The following MED13L variants were observed in gnomAD, a reference collection of about 807,000 sequenced individuals.
The protein encoded by MED13L is mediator of RNA polymerase II transcription subunit 13-like.
A neutral mutation model predicts 220.9 loss-of-function variants in MED13L; 7 were observed. That is an observed-to-expected ratio of 0.03 (90% CI 0.02 to 0.06). The LOEUF (loss-of-function observed/expected upper bound fraction) is 0.06. Among genes scored for constraint, MED13L ranks in the 10% least tolerant of loss-of-function variants. The probability of loss-of-function intolerance (pLI) is 1.00; values close to 1 mark genes in which losing one functional copy is unlikely to be tolerated. For missense variants in MED13L, 1,965 were observed against 2,760.5 expected, an observed-to-expected ratio of 0.71 and a Z score of 6.46; for synonymous variants, 1,011 against 1,015.2, an observed-to-expected ratio of 1.00 and a Z score of 0.08.
In MED13L at chr12:116,036,863, T is replaced by C. The variant is rs934569819; in HGVS notation, c.480-14262A>G. Reference sequence around the variant, plus strand: ...TCTTTTATCGGACAGGCCTTAACTTTTACCTCCTTTTCAAAAGACAGTGGC... The same window carrying C: ...TCTTTTATCGGACAGGCCTTAACTTCTACCTCCTTTTCAAAAGACAGTGGC... On this transcript the variant is annotated intron_variant, in intron 4 of 30. Transcript: ENST00000281928. Among the ~76,000 whole-genome samples the C allele has an allele frequency of 5.3e-5, 8 of 152,164 alleles. No homozygotes were observed. The East Asian group carries it at 5.8e-4, about 11-fold the overall frequency.
intron 2 of MED13L, among the ~76,000 whole-genome samples, chr12:116,177,906 T>G: frequency 6.6e-6 from 1 of 152,066 alleles, no homozygotes. Context: ...CAGGTTGGAG[T>G]GTACAGTGGC....
chr12:116,187,574 T>C (rs898441234), intron 2 of MED13L, among the ~76,000 whole-genome samples: 1 of 152,190 alleles, frequency 6.6e-6, no homozygotes, highest in African/African-American at 2.4e-5. Flanking sequence ...AAAGTTCAAT[T>C]TATCAGGTTT....
intron 9 of MED13L, among the ~76,000 whole-genome samples, chr12:116,009,830 A>C (rs922381235): frequency 3.9e-5 from 6 of 152,132 alleles, no homozygotes; most frequent in Non-Finnish European, 8.8e-5. Context: ...ATCTTAACAC[A>C]CTTCTTGGCA....
At chr12:116,069,987 A>G (rs990902542) in intron 4 of MED13L, among the ~76,000 whole-genome samples, 2 of 152,210 alleles carry the variant, frequency 1.3e-5, no homozygotes, top group African/African-American at 4.8e-5. Context: ...GATAAAGAGT[A>G]CTCAACTTGT....
intron 4 of MED13L, among the ~76,000 whole-genome samples, chr12:116,047,178 T>C (rs1246177360): frequency 6.6e-6 from 1 of 151,856 alleles, no homozygotes; most frequent in African/African-American, 2.4e-5. Context: ...AGCAAGACCC[T>C]ATCTCTACAA....
intron 2 of MED13L, among the ~76,000 whole-genome samples, chr12:116,149,608 A>G (rs761120278): frequency 1.3e-5 from 2 of 152,272 alleles, no homozygotes; most frequent in Non-Finnish European, 2.9e-5. Context: ...AGAGTTTTAC[A>G]TTTCACCTAA....
rs561826845 is a variant in MED13L, at chr12:116,059,863, A to C, written c.479+36806T>G. Among the ~76,000 whole-genome samples the C allele has an allele frequency of 3.9e-5, 6 of 152,330 alleles. No individual in the cohort carries two copies. In the East Asian group the frequency reaches 1.2e-3, roughly 29 times the overall value. On this transcript the variant is annotated intron_variant, in intron 4 of 30. Coordinates refer to ENST00000281928, the MANE Select transcript of MED13L (RefSeq NM_015335.5). ...GGATTAAGAGTAAAAAACATAAAGG[A>C]GGCACGGAGAAAAAGGCTTTAAATT...
intron 4 of MED13L, among the ~76,000 whole-genome samples, chr12:116,045,235 C>T (rs1367241236): frequency 1.3e-5 from 2 of 152,128 alleles, no homozygotes; most frequent in Non-Finnish European, 2.9e-5. Context: ...TCCTTTTGAA[C>T]ACTGGTGTTC....
chr12:116,156,391 C>A (rs1469263676), intron 2 of MED13L, among the ~76,000 whole-genome samples: 1 of 128,394 alleles, frequency 7.8e-6, no homozygotes, highest in Non-Finnish European at 1.6e-5. Flanking sequence ...AATGTAAAGT[C>A]TCCAATTACT....
In MED13L at chr12:115,984,387, A is replaced by AC; in HGVS notation, c.4339-16_4339-15insG. ...AGCCTACACATCTGATATCATAGAC[A>AC]AGATCATTAGTTATAACAGGAGCCA... On this transcript the variant is annotated splice_polypyrimidine_tract_variant and intron_variant, in intron 19 of 30. Transcript: ENST00000281928. The AC allele has an allele frequency of 6.2e-7, 1 of 1,613,778 alleles. No homozygotes were observed.
At chr12:116,028,086 G>A (rs1299812593) in intron 4 of MED13L, among the ~76,000 whole-genome samples, 4 of 152,128 alleles carry the variant, frequency 2.6e-5, no homozygotes, top group African/African-American at 9.7e-5. Context: ...CTAAATGCAC[G>A]ACTGGAATTG....
At chr12:116,025,170 C>A (rs1880312296) in intron 4 of MED13L, among the ~76,000 whole-genome samples, 1 of 152,036 alleles carries the variant, frequency 6.6e-6, no homozygotes, top group Non-Finnish European at 1.5e-5. Context: ...AAATCAAAAT[C>A]GCAGTAAGAT....
At chr12:116,057,978 G>A (rs1157842223) in intron 4 of MED13L, among the ~76,000 whole-genome samples, 3 of 152,116 alleles carry the variant, frequency 2.0e-5, no homozygotes, top group Admixed American at 2.0e-4. Flanking sequence ...AACGTGTTAT[G>A]TACTGAGACA....
At chr12:116,079,336 A>G (rs969916737) in intron 4 of MED13L, among the ~76,000 whole-genome samples, 1 of 151,998 alleles carries the variant, frequency 6.6e-6, no homozygotes, top group African/African-American at 2.4e-5. Flanking sequence ...CTCCCACCTC[A>G]GCCTCCCAAG....
chr12:116,208,793 C>T (rs975489857), intron 2 of MED13L, among the ~76,000 whole-genome samples: 6 of 152,286 alleles, frequency 3.9e-5, no homozygotes, highest in Middle Eastern at 3.4e-3. Context: ...TAGCAAGATC[C>T]TGTCCCTACC....
At chr12:116,254,279 G>A (rs1871842128) in intron 1 of MED13L, among the ~76,000 whole-genome samples, 1 of 151,968 alleles carries the variant, frequency 6.6e-6, no homozygotes, top group Admixed American at 6.6e-5. Context: ...AAATTACAAA[G>A]AAAGATATAA....
intron 3 of MED13L, chr12:116,110,184 G>A (rs138786342): frequency 6.6e-5 from 10 of 152,240 alleles, no homozygotes; most frequent in Middle Eastern, 3.4e-3. Flanking sequence ...AGAAAGTAAG[G>A]GGATGCTCCA....
At chr12:116,185,176 A>G (rs1221380982) in intron 2 of MED13L, among the ~76,000 whole-genome samples, 1 of 152,202 alleles carries the variant, frequency 6.6e-6, no homozygotes, top group African/African-American at 2.4e-5. Context: ...TTATTTAATC[A>G]AGGTTTGAAA....
At chr12:116,158,237 T>C (rs1878594324) in intron 2 of MED13L, among the ~76,000 whole-genome samples, 1 of 151,398 alleles carries the variant, frequency 6.6e-6, no homozygotes, top group African/African-American at 2.4e-5. Flanking sequence ...TCTCAAAACC[T>C]AGGATGACTT....
Sources: allele counts gnomAD v4.1 joint callset (sites outside exome capture counted in the v4.1 genomes callset), GRCh38; gene constraint gnomAD v4.1.1; transcripts MANE v1.5; gene names NCBI Gene and HGNC (gene_info 2026-07-23, HGNC 2026-07-21).